SUPT3H: variants seen among roughly 807,000 people sequenced by gnomAD.
SUPT3H encodes transcription initiation protein SPT3 homolog.
Under a neutral mutation model 44.3 loss-of-function variants are expected in SUPT3H, and 44 were observed. The ratio of observed to expected loss-of-function variants is 0.99; its 90% confidence interval spans 0.78 to 1.28. SUPT3H has a LOEUF of 1.28. Ranked by LOEUF, SUPT3H falls within the 50% of genes most tolerant of loss-of-function variation. The pLI is 0.00. For missense variants in SUPT3H, 380 were observed against 387.1 expected (o/e 0.98, Z 0.15); for synonymous variants, 124 against 125.6 (o/e 0.99, Z 0.09).
intron 2 of SUPT3H, among the ~76,000 whole-genome samples, chr6:45,113,644 G>C (rs1483688560): frequency 6.6e-6 from 1 of 151,888 alleles, no homozygotes; most frequent in Non-Finnish European, 1.5e-5. Context: ...TGGCCAACAT[G>C]GTGAAACCCC....
chr6:45,114,141 G>C (rs1800495182), intron 2 of SUPT3H, among the ~76,000 whole-genome samples: 1 of 151,850 alleles, frequency 6.6e-6, no homozygotes, highest in South Asian at 2.1e-4. Flanking sequence ...AGATAAAACA[G>C]TATAAAATTT....
intron 2 of SUPT3H, among the ~76,000 whole-genome samples, chr6:45,118,644 C>A (rs1801173780): frequency 6.6e-6 from 1 of 152,086 alleles, no homozygotes; most frequent in Non-Finnish European, 1.5e-5. Context: ...GTCTTTGTTT[C>A]TTCTTCCATT....
intron 10 of SUPT3H, among the ~76,000 whole-genome samples, chr6:44,868,194 C>A (rs1238243662): frequency 6.6e-6 from 1 of 152,132 alleles, no homozygotes; most frequent in African/African-American, 2.4e-5. Context: ...CTGTGAGTGC[C>A]CCCATAGCTG....
At chr6:44,888,383 C>A (rs146271312) in intron 10 of SUPT3H, among the ~76,000 whole-genome samples, 2 of 151,868 alleles carry the variant, frequency 1.3e-5, no homozygotes. Context: ...ACTGGCAAAC[C>A]GAATCCAGCA....
In SUPT3H at chr6:44,874,654, A is replaced by G. The variant is rs1306999200; in HGVS notation, c.913-44797T>C. 2.4e-4 allele frequency among the ~76,000 whole-genome samples: 20 copies of G among 84,226 alleles called. No homozygotes were observed. The South Asian group carries it at 7.5e-3, about 31-fold the overall frequency. 55.3% of individuals were successfully genotyped at this position (84,226 alleles called of 152,430 possible). A position where few individuals can be genotyped will look rare whatever the true frequency, so the allele number is the denominator to read the frequency against. On this transcript the variant is annotated intron_variant, in intron 10 of 10. Coordinates refer to ENST00000371459, the MANE Select transcript of SUPT3H (RefSeq NM_003599.4). ...TAGTGTTGGAAGTTCTGGCCAGGGC[A>G]ATCAGGCAGGAGAAGGAAATAAAGG...
chr6:45,167,677 T>TC (rs397719747), intron 2 of SUPT3H, among the ~76,000 whole-genome samples: 1 of 151,646 alleles, frequency 6.6e-6, no homozygotes, highest in Non-Finnish European at 1.5e-5. Flanking sequence ...TTTTTTTTTT[T>TC]CTAGCTGGAA....
downstream of SUPT3H, among the ~76,000 whole-genome samples, chr6:44,822,035 C>A (rs577166963): frequency 6.6e-6 from 1 of 152,120 alleles, no homozygotes; most frequent in Non-Finnish European, 1.5e-5. Flanking sequence ...TTTATAATTA[C>A]AATGGGACTT....
chr6:45,229,440 A>G (rs943100300), intron 2 of SUPT3H, among the ~76,000 whole-genome samples: 1 of 152,166 alleles, frequency 6.6e-6, no homozygotes. Context: ...CATGTATTCT[A>G]CTATAGCAAA....
chr6:45,128,559 C>T (rs376497715), intron 2 of SUPT3H, among the ~76,000 whole-genome samples: 16,199 of 41,916 alleles, frequency 0.39, 1,866 homozygotes, highest in East Asian at 0.51. Context: ...TATATATATA[C>T]ACACACACAC....
chr6:45,192,777 A>C (rs1815355317), intron 2 of SUPT3H, among the ~76,000 whole-genome samples: 1 of 152,140 alleles, frequency 6.6e-6, no homozygotes, highest in Admixed American at 6.6e-5. Flanking sequence ...CACCACACTA[A>C]AGCAGATCCC....
At chr6:45,372,612 A>C (rs1413927123) in intron 1 of SUPT3H, among the ~76,000 whole-genome samples, 1 of 152,186 alleles carries the variant, frequency 6.6e-6, no homozygotes, top group Non-Finnish European at 1.5e-5. Flanking sequence ...TGTCCTGTGA[A>C]TTCAACAGCA....
At chr6:45,287,693 A>T (rs532196288) in intron 2 of SUPT3H, among the ~76,000 whole-genome samples, 1 of 152,294 alleles carries the variant, frequency 6.6e-6, no homozygotes, top group African/African-American at 2.4e-5. Flanking sequence ...AATAGGTGTA[A>T]TGATTATGCA....
intron 2 of SUPT3H, among the ~76,000 whole-genome samples, chr6:45,339,274 G>A (rs1581704025): frequency 6.6e-6 from 1 of 152,278 alleles, no homozygotes; most frequent in East Asian, 1.9e-4. Flanking sequence ...TACCTGGGGA[G>A]TAAGTCTTGG....
chr6:45,193,121 G>A (rs1220014855), intron 2 of SUPT3H, among the ~76,000 whole-genome samples: 2 of 152,054 alleles, frequency 1.3e-5, no homozygotes, highest in Admixed American at 6.5e-5. Context: ...TGACCACCAC[G>A]CTTTAAGAAA....
intron 2 of SUPT3H, among the ~76,000 whole-genome samples, chr6:45,229,232 AC>A (rs1236729365): frequency 6.6e-6 from 1 of 151,912 alleles, no homozygotes; most frequent in Non-Finnish European, 1.5e-5. Flanking sequence ...TATTGCAGTA[AC>A]CATTTTTACC....
chr6:45,359,412 T>A (rs930200720), intron 2 of SUPT3H, among the ~76,000 whole-genome samples: 1 of 152,320 alleles, frequency 6.6e-6, no homozygotes, highest in East Asian at 1.9e-4. Flanking sequence ...ATTATAGTTA[T>A]AAACTAAAGT....
intron 2 of SUPT3H, among the ~76,000 whole-genome samples, chr6:45,220,457 C>T (rs1765847282): frequency 6.6e-6 from 1 of 151,996 alleles, no homozygotes; most frequent in African/African-American, 2.4e-5. Context: ...AAAATGACAG[C>T]TAAAATTATT....
chr6:44,929,392 T>A (rs113329855), intron 10 of SUPT3H, among the ~76,000 whole-genome samples: 115 of 152,302 alleles, frequency 7.6e-4, no homozygotes, highest in African/African-American at 2.7e-3. Flanking sequence ...ATATACACAT[T>A]GTTATGGGTA....
intron 2 of SUPT3H, among the ~76,000 whole-genome samples, chr6:45,176,772 C>A (rs1357319243): frequency 6.6e-6 from 1 of 152,166 alleles, no homozygotes; most frequent in Non-Finnish European, 1.5e-5. Context: ...TGACCCCTGA[C>A]CCCCGAGCAG....
Sources: allele counts gnomAD v4.1 joint callset (sites outside exome capture counted in the v4.1 genomes callset), GRCh38; gene constraint gnomAD v4.1.1; transcripts MANE v1.5; gene names NCBI Gene and HGNC (gene_info 2026-07-23, HGNC 2026-07-21).